Variants in KALRN observed in about 807,000 individuals in gnomAD.
KALRN encodes the protein kalirin RhoGEF kinase.
KALRN carries 70 observed loss-of-function variants against 353.7 expected under a neutral mutation model. The observed-to-expected ratio is 0.20, with a 90% CI of 0.16 to 0.24. KALRN has a LOEUF of 0.24. Among genes scored for constraint, KALRN ranks in the 10% least tolerant of loss-of-function variants. The pLI is 1.00. For synonymous variants in KALRN, 1,391 were observed against 1,434.8 expected (o/e 0.97, Z 0.69); for missense variants, 2,791 against 3,756.7 (o/e 0.74, Z 6.72).
chr3:124,135,357 G>A (rs945190217), intron 1 of KALRN, among the ~76,000 whole-genome samples: 3 of 152,078 alleles, frequency 2.0e-5, no homozygotes, highest in Non-Finnish European at 4.4e-5. Context: ...ATGATACAGT[G>A]GACTTTGGAG....
rs575106172 is a variant in KALRN, at chr3:124,534,392, A to G, written c.4936-28451A>G. 5.9e-5 allele frequency among the ~76,000 whole-genome samples: 9 copies of G among 152,276 alleles called. No homozygotes were observed. In the East Asian group the frequency reaches 1.5e-3, roughly 26 times the overall value. On this transcript the variant is annotated intron_variant, in intron 33 of 59. Transcript: ENST00000682506. ...CAGTGGGGACGTGGGGGGCCAGGGG[A>G]GGGAGAGCATTAGGACAAATAGTTA...
At position 124,592,667 on chromosome 3, in the gene KALRN, AT is replaced by A. The variant is rs755586272; in HGVS notation, c.5182+29579del. On this transcript the variant is annotated intron_variant, in intron 34 of 59. Coordinates refer to ENST00000682506, the MANE Select transcript of KALRN (RefSeq NM_001388419.1). Reference sequence around the variant, plus strand: ...ATTATTCCAGCCCCCATGGTGCTGGATGTTTCACTGAGGCTCCACCAGTATC... The same window carrying A: ...ATTATTCCAGCCCCCATGGTGCTGGAGTTTCACTGAGGCTCCACCAGTATC... Among the ~76,000 whole-genome samples the A allele has an allele frequency of 2.3e-4, 35 of 152,314 alleles. 1 individual carries two copies. The highest frequency in any genetic ancestry group is 6.8e-3 in the Middle Eastern group (2 of 294).
intron 17 of KALRN, 145 bp from the exon 18 acceptor site, chr3:124,438,743 C>T (rs2093566244): frequency 3.3e-6 from 2 of 600,418 alleles, no homozygotes; most frequent in Admixed American, 3.3e-5. Context: ...ACTGTCACTG[C>T]CTCCTGGATT....
At chr3:124,188,176 C>A (rs555786499) in intron 1 of KALRN, among the ~76,000 whole-genome samples, 1 of 152,282 alleles carries the variant, frequency 6.6e-6, no homozygotes, top group East Asian at 1.9e-4. Flanking sequence ...GCAAGAATCA[C>A]CTGGGGCACT....
At chr3:124,131,008 T>G (rs1266303113) in intron 1 of KALRN, among the ~76,000 whole-genome samples, 2 of 152,186 alleles carry the variant, frequency 1.3e-5, no homozygotes, top group African/African-American at 4.8e-5. Flanking sequence ...ATGTTCTAAA[T>G]CTTGGTCTGG....
chr3:124,642,797 C>T (rs910041220), intron 37 of KALRN, among the ~76,000 whole-genome samples: 6 of 81,118 alleles, frequency 7.4e-5, no homozygotes, highest in African/African-American at 2.6e-4. Flanking sequence ...GAAGAGATTC[C>T]CAAGCCTCGT....
At position 124,563,069 on chromosome 3, in the gene KALRN, G is replaced by T; in HGVS notation, c.5162G>T (p.Cys1721Phe). ...TCCCGAAGCAGCGTGGAGATGGACTGCTTCTTCCCCTTGGTGAAAGGTAGG... is the reference window on the plus strand; with the variant it reads ...TCCCGAAGCAGCGTGGAGATGGACTTCTTCTTCCCCTTGGTGAAAGGTAGG... ...SHSRSSVEMD[C>F]FFPLVKDAYS... Residue 1721 changes from cysteine (C) to phenylalanine (F), a missense_variant, in exon 34 of 60, where the codon TGC becomes TTC. Physicochemically the swap from Cys to Phe is radical, Grantham distance 205 (BLOSUM62 -2). Transcript: ENST00000682506. The T allele has an allele frequency of 7.3e-7, 1 of 1,367,734 alleles. No homozygotes were observed. Among genetic ancestry groups the T allele is most frequent in the Non-Finnish European group, 9.8e-7 (1 of 1,021,958 alleles). 84.7% of individuals were successfully genotyped at this position (1,367,734 alleles called of 1,614,324 possible).
rs377640803 is a variant in KALRN, at chr3:124,661,827, A to G, written c.6268-24A>G. The G allele has an allele frequency of 1.5e-5, 24 of 1,588,742 alleles. No individual in the cohort carries two copies. The African/African-American group carries it at 2.7e-4, about 18-fold the overall frequency. ...TGCCTGAGTGCTGTTCCCCCTCCTG[A>G]GTAACAGTTGTTCTTTCCCACAGAA... is the stretch of plus-strand genomic sequence containing the variant. On this transcript the variant is annotated intron_variant, in intron 44 of 59. Coordinates refer to ENST00000682506, the MANE Select transcript of KALRN (RefSeq NM_001388419.1).
chr3:124,447,155 A>C (rs890547115), intron 21 of KALRN, among the ~76,000 whole-genome samples: 7 of 152,198 alleles, frequency 4.6e-5, no homozygotes, highest in African/African-American at 1.7e-4. Context: ...AGGTTCTGGA[A>C]TCTGCTGTAT....
rs2040582812 is a variant in KALRN at position 124,047,442 on chromosome 3, T to G, written c.73+13629T>G. On this transcript the variant is annotated intron_variant, in intron 1 of 59. Coordinates refer to ENST00000682506, the MANE Select transcript of KALRN (RefSeq NM_001388419.1). Reference sequence around the variant, plus strand: ...GTGATAATTTAAATAAGTGGTAAAATAAGGTTTTATTTAGAGAGACTCAAT... The same window carrying G: ...GTGATAATTTAAATAAGTGGTAAAAGAAGGTTTTATTTAGAGAGACTCAAT... 2.1e-5 allele frequency among the ~76,000 whole-genome samples: 3 copies of G among 145,662 alleles called. No homozygotes were observed. In the Admixed American group the frequency reaches 2.1e-4, roughly 10 times the overall value.
Position 124,462,616 on chromosome 3 carries a change from C to T in KALRN, c.4014C>T (p.Ile1338=), listed in dbSNP as rs764567943. ...EHIIFGNIQE[I]YDFHNNIFLK... ...TCATCTTTGGCAACATCCAAGAGAT[C>T]TACGATTTCCATAACAAGTAGGTTT... is the stretch of plus-strand genomic sequence containing the variant. The change falls in exon 25 of 60, where the codon ATC becomes ATT. Residue 1338 remains isoleucine, a synonymous_variant. Transcript: ENST00000682506. 6.2e-7 allele frequency: 1 copy of T among 1,603,504 alleles called. No individual in the cohort carries two copies. The highest frequency in any genetic ancestry group is 1.7e-5 in the Admixed American group (1 of 59,988).
intron 34 of KALRN, among the ~76,000 whole-genome samples, chr3:124,618,331 G>A (rs2078875841): frequency 6.6e-6 from 1 of 150,826 alleles, no homozygotes; most frequent in African/African-American, 2.4e-5. Flanking sequence ...TAGCCAGGAT[G>A]GTCTCGATCT....
chr3:124,087,882 T>C (rs1299950344), intron 1 of KALRN, among the ~76,000 whole-genome samples: 3 of 152,178 alleles, frequency 2.0e-5, no homozygotes, highest in Non-Finnish European at 4.4e-5. Flanking sequence ...TTTAAAGAGT[T>C]AGGTGATACA....
chr3:124,456,960 C>G (rs553694049), intron 23 of KALRN, among the ~76,000 whole-genome samples: 1 of 152,172 alleles, frequency 6.6e-6, no homozygotes, highest in Non-Finnish European at 1.5e-5. Context: ...CTAGACAAAC[C>G]CTTCCTCATA....
chr3:124,452,400 T>C (rs2058875614), intron 21 of KALRN, among the ~76,000 whole-genome samples: 1 of 152,206 alleles, frequency 6.6e-6, no homozygotes, highest in South Asian at 2.1e-4. Flanking sequence ...GATATAATAC[T>C]TACCTTTTAG....
chr3:124,066,557 A>G (rs2149244013), intron 1 of KALRN, among the ~76,000 whole-genome samples: 1 of 152,308 alleles, frequency 6.6e-6, no homozygotes, highest in East Asian at 1.9e-4. Context: ...AGAATGTGTG[A>G]AAGAGCAACC....
chr3:124,169,028 C>T (rs1292162832), intron 1 of KALRN, among the ~76,000 whole-genome samples: 2 of 152,212 alleles, frequency 1.3e-5, no homozygotes, highest in Non-Finnish European at 2.9e-5. Flanking sequence ...ATTTGAGTCA[C>T]AGGACCTTGA....
chr3:124,152,541 T>C, intron 1 of KALRN: 1 of 602,580 alleles, frequency 1.7e-6, no homozygotes, highest in Non-Finnish European at 2.9e-6. Context: ...TTTCTTTTTC[T>C]TTTTCTTTTT....
rs954909255 is a variant in KALRN, at chr3:124,444,145, C to T, written c.3314-2016C>T. Among the ~76,000 whole-genome samples, 4 of 152,184 alleles carry T rather than the reference C, an allele frequency of 2.6e-5. No individual in the cohort carries two copies. In the South Asian group the frequency reaches 8.3e-4, roughly 32 times the overall value. ...CATTGGCTGAGGAGCAGCATCTCAA[C>T]TGGGCTCAGCAGTGCAGTTGTGCTT... On this transcript the variant is annotated intron_variant, in intron 19 of 59. Coordinates refer to ENST00000682506, the MANE Select transcript of KALRN (RefSeq NM_001388419.1).
Sources: allele counts gnomAD v4.1 joint callset (sites outside exome capture counted in the v4.1 genomes callset), GRCh38; gene constraint gnomAD v4.1.1; transcripts MANE v1.5; gene names NCBI Gene and HGNC (gene_info 2026-07-23, HGNC 2026-07-21).